Variants in CASZ1 observed in about 807,000 individuals in gnomAD.
CASZ1 encodes the protein castor zinc finger 1, also known as zinc finger protein castor homolog 1.
Under a neutral mutation model 135.2 loss-of-function variants are expected in CASZ1, and 28 were observed. That is an observed-to-expected ratio of 0.21 (90% CI 0.15 to 0.28). The LOEUF is 0.28. CASZ1 is among the 10% of genes least tolerant of loss of function. CASZ1 has a pLI of 1.00. For missense variants in CASZ1, 2,161 were observed against 2,453.3 expected (o/e 0.88, Z 2.52); for synonymous variants, 1,068 against 1,073.4 (o/e 0.99, Z 0.10).
In CASZ1 at chr1:10,653,498, G is replaced by A. The variant is rs763902127; in HGVS notation, c.2559C>T (p.Ala853=). Residue 853 remains alanine, a synonymous_variant, in exon 11 of 21, where the codon GCC becomes GCT. Transcript: ENST00000377022. The part of the protein sequence containing the change: ...GAGDSAPVAA[A]SVPAPPASIM... ...TGGAGGCGGGTGGTGCCGGGACAGA[G>A]GCGGCAGCCACGGGGGCTGAGTCTC... The A allele has an allele frequency of 6.2e-7, 1 of 1,611,626 alleles. No individual in the cohort carries two copies. Among genetic ancestry groups the A allele is most frequent in the Non-Finnish European group, 8.5e-7 (1 of 1,178,968 alleles).
intron 2 of CASZ1, among the ~76,000 whole-genome samples, chr1:10,742,998 A>G (rs1639954816): frequency 6.6e-6 from 1 of 151,836 alleles, no homozygotes. Context: ...AAAAAGAAGA[A>G]AAAAAAGCCT....
At chr1:10,792,199 C>A (rs1640967876) in intron 1 of CASZ1, among the ~76,000 whole-genome samples, 2 of 144,956 alleles carry the variant, frequency 1.4e-5, no homozygotes, top group South Asian at 4.3e-4. Context: ...GTTTTATTTC[C>A]TATAGCAGGG....
At chr1:10,750,442 C>T (rs1048178932) in intron 2 of CASZ1, among the ~76,000 whole-genome samples, 1 of 152,104 alleles carries the variant, frequency 6.6e-6, no homozygotes, top group African/African-American at 2.4e-5. Context: ...GCCACCACAC[C>T]TGGCTAATTT....
At chr1:10,680,056 G>T (rs1171478396) in intron 4 of CASZ1, among the ~76,000 whole-genome samples, 1 of 152,172 alleles carries the variant, frequency 6.6e-6, no homozygotes, top group Non-Finnish European at 1.5e-5. Flanking sequence ...CCTGCAGAAA[G>T]GCTGGGGTGG....
At chr1:10,648,204 G>A (rs1557462637) in intron 15 of CASZ1, 65 bp from the exon 16 acceptor site, 3 of 1,195,060 alleles carry the variant, frequency 2.5e-6, no homozygotes, top group Non-Finnish European at 3.5e-6. Context: ...GGGCATGCAT[G>A]TGACCCCATC....
At chr1:10,783,359 G>T (rs1290798199) in intron 1 of CASZ1, among the ~76,000 whole-genome samples, 2 of 148,994 alleles carry the variant, frequency 1.3e-5, no homozygotes, top group Admixed American at 1.3e-4. Context: ...AGAAGGGCCT[G>T]TAAGAGTTCA....
chr1:10,643,470 A>G (rs1201311695), intron 18 of CASZ1, among the ~76,000 whole-genome samples, 159 bp from the exon 19 acceptor site: 1 of 152,156 alleles, frequency 6.6e-6, no homozygotes, highest in Non-Finnish European at 1.5e-5. Context: ...TCTTAGGAGG[A>G]AGGTCAGGAA....
In CASZ1 at chr1:10,653,981, A is replaced by G. The variant is rs779126709; in HGVS notation, c.2076T>C (p.His692=). ...TSQMTSHKRK[H]ERRHIRSSGA... is the part of the protein sequence containing the mutation. ...CCGAGGAGCGGATGTGCCGGCGCTCATGCTTGCGCTTGTGAGAGGTCATCT... is the reference window on the plus strand; with the variant it reads ...CCGAGGAGCGGATGTGCCGGCGCTCGTGCTTGCGCTTGTGAGAGGTCATCT... The change falls in exon 11 of 21, where the codon CAT becomes CAC. Residue 692 remains histidine (H), a synonymous_variant. Coordinates refer to ENST00000377022, the MANE Select transcript of CASZ1 (RefSeq NM_001079843.3). 1 of 1,614,056 alleles carries G rather than the reference A, an allele frequency of 6.2e-7. No individual in the cohort carries two copies. Among genetic ancestry groups the G allele is most frequent in the Admixed American group, 1.7e-5 (1 of 60,024 alleles).
In CASZ1 at chr1:10,788,030, G is replaced by A. The variant is rs1348398399; in HGVS notation, c.-234+8534C>T. Reference sequence around the variant, plus strand: ...CTCTCCACAGAGCAAACTATCCAAGGTTCAAACATGACCTTGCCTAAGACC... The same window carrying A: ...CTCTCCACAGAGCAAACTATCCAAGATTCAAACATGACCTTGCCTAAGACC... On this transcript the variant is annotated intron_variant, in intron 1 of 20. Transcript: ENST00000377022. The surrounding 1 kb of genome is among the most constrained non-coding windows in gnomAD (Gnocchi z 4.1). Among the ~76,000 whole-genome samples the A allele has an allele frequency of 6.6e-6, 1 of 152,136 alleles. No homozygotes were observed. The highest frequency in any genetic ancestry group is 2.4e-5 in the African/African-American group (1 of 41,422).
Position 10,691,408 on chromosome 1 carries a change from C to T in CASZ1, c.16+2466G>A, listed in dbSNP as rs186620146. ...CCCTCCTGAGAAGGCTTGGCTCTCC[C>T]ACCACTGACTTCCTCATGGCTGAAG... On this transcript the variant is annotated intron_variant, in intron 4 of 20. Coordinates refer to ENST00000377022, the MANE Select transcript of CASZ1 (RefSeq NM_001079843.3). Among the ~76,000 whole-genome samples, 13 of 152,288 alleles carry T rather than the reference C, an allele frequency of 8.5e-5. No homozygotes were observed. In the East Asian group the frequency reaches 2.5e-3, roughly 30 times the overall value.
At chr1:10,641,122 C>A (rs1642188018) in intron 20 of CASZ1, among the ~76,000 whole-genome samples, 1 of 152,262 alleles carries the variant, frequency 6.6e-6, no homozygotes, top group Non-Finnish European at 1.5e-5. Flanking sequence ...CTGCCCTGCC[C>A]ATTTCAGGCC....
At chr1:10,793,939 C>T (rs1641010555) in intron 1 of CASZ1, among the ~76,000 whole-genome samples, 1 of 152,128 alleles carries the variant, frequency 6.6e-6, no homozygotes, top group African/African-American at 2.4e-5. Context: ...GTCGCGACGC[C>T]CGCCCGGGAC....
At position 10,639,423 on chromosome 1, in the gene CASZ1, C is replaced by T. The variant is rs754814432; in HGVS notation, c.4799G>A (p.Arg1600His). ...GGGGCCCTCTGCCGCGGGCTCGCCG[C>T]GCTCCTGCTTCTCGTGCTTGCGCTT... ...SHKRKHEKQERGEPAAEGPAP... is the reference protein window; with the variant it reads ...SHKRKHEKQEHGEPAAEGPAP... The change falls in exon 21 of 21, where the codon CGC becomes CAC. Residue 1600 changes from arginine (R) to histidine (H), a missense_variant. Physicochemically the swap from Arg to His is conservative, Grantham distance 29 (BLOSUM62 0). Transcript: ENST00000377022. The surrounding 1 kb of genome is among the most constrained non-coding windows in gnomAD (Gnocchi z 4.0). 6.4e-7 allele frequency: 1 copy of T among 1,563,766 alleles called. No individual in the cohort carries two copies. The highest frequency in any genetic ancestry group is 1.4e-5 in the African/African-American group (1 of 73,952).
Position 10,638,802 on chromosome 1 carries a change from C to T in CASZ1, c.*140G>A. 2 of 852,718 alleles carry T rather than the reference C, an allele frequency of 2.3e-6. No individual in the cohort carries two copies. The highest frequency in any genetic ancestry group is 2.8e-6 in the Non-Finnish European group (2 of 709,164). 52.8% of individuals were successfully genotyped at this position (852,718 alleles called of 1,614,324 possible). On this transcript the variant is annotated 3_prime_UTR_variant, in exon 21 of 21. Transcript: ENST00000377022. The surrounding 1 kb of genome is among the most constrained non-coding windows in gnomAD (Gnocchi z 5.9). ...TCGGCCGCGGAGCACCAGAGGGGTC[C>T]CCGCCTCTGTCCTGAGACGGACTCG... is the stretch of plus-strand genomic sequence containing the variant.
chr1:10,736,121 C>T (rs1639793276), intron 2 of CASZ1, among the ~76,000 whole-genome samples: 1 of 152,170 alleles, frequency 6.6e-6, no homozygotes, highest in South Asian at 2.1e-4. Context: ...GCGGTACTGG[C>T]AGCATTTCTG....
intron 20 of CASZ1, among the ~76,000 whole-genome samples, chr1:10,641,472 A>G (rs1642199483): frequency 6.6e-6 from 1 of 151,934 alleles, no homozygotes; most frequent in Non-Finnish European, 1.5e-5. Flanking sequence ...GGTGGGTATC[A>G]GATATGGGGG....
chr1:10,756,846 C>T lies in CASZ1; in HGVS notation c.-77+3855G>A, dbSNP rs1324948895. 6.6e-6 allele frequency among the ~76,000 whole-genome samples: 1 copy of T among 152,202 alleles called. No individual in the cohort carries two copies. The highest frequency in any genetic ancestry group is 1.5e-5 in the Non-Finnish European group (1 of 68,046). ...CAGCCCTCACAGCTCACCAACGACG[C>T]TCTATATGACCCGGCACGTGGAAAA... On this transcript the variant is annotated intron_variant, in intron 2 of 20. Transcript: ENST00000377022. The surrounding 1 kb of genome is among the most constrained non-coding windows in gnomAD (Gnocchi z 5.9).
chr1:10,644,574 T>C (rs564177194), intron 18 of CASZ1, among the ~76,000 whole-genome samples: 2 of 152,304 alleles, frequency 1.3e-5, no homozygotes, highest in East Asian at 1.9e-4. Context: ...GCAAAGAACG[T>C]TGAACTCCTA....
intron 1 of CASZ1, among the ~76,000 whole-genome samples, chr1:10,768,341 C>T (rs1319259118): frequency 1.3e-5 from 2 of 152,164 alleles, no homozygotes; most frequent in Non-Finnish European, 2.9e-5. Flanking sequence ...CCTCAGCCTC[C>T]CAAGTAGCTG....
Sources: gnomAD v4.1 joint callset for allele counts (sites outside exome capture counted in the v4.1 genomes callset) on GRCh38, gnomAD v4.1.1 for gene constraint, Gnocchi (gnomAD v3.1) non-coding constraint, MANE v1.5 for transcripts, NCBI Gene and HGNC (gene_info 2026-07-23, HGNC 2026-07-21) for gene names.